SBK1: variants seen among roughly 807,000 people sequenced by gnomAD.
The protein encoded by SBK1 is SH3 domain binding kinase 1.
SBK1 carries 11 observed loss-of-function variants against 24.4 expected under a neutral mutation model. The observed-to-expected ratio is 0.45, with a 90% CI of 0.28 to 0.75. The LOEUF is 0.75. Ranked by LOEUF, SBK1 falls within the 30% of genes least tolerant of loss-of-function variation. The pLI, the probability that SBK1 is intolerant of heterozygous loss-of-function variation, is 0.12. For missense variants in SBK1, 467 were observed against 620.5 expected, an observed-to-expected ratio of 0.75 and a Z score of 2.63; for synonymous variants, 308 against 284.4, an observed-to-expected ratio of 1.08 and a Z score of -0.83.
chr16:28,280,358 T>G (rs1465265352), intron 1 of SBK1, among the ~76,000 whole-genome samples: 3 of 145,512 alleles, frequency 2.1e-5, no homozygotes, highest in African/African-American at 7.5e-5. Context: ...AAAATATATA[T>G]ATATATATTT....
intron 1 of SBK1, among the ~76,000 whole-genome samples, chr16:28,313,755 C>T (rs2141588534): frequency 2.0e-5 from 3 of 152,068 alleles, no homozygotes; most frequent in Admixed American, 2.0e-4. Context: ...AGATGGAGCT[C>T]CGTTTGGGGC....
rs1400616766 is a variant in SBK1 at position 28,323,570 on chromosome 16, A to G, written c.*2649A>G. 6.5e-6 allele frequency: 1 copy of G among 152,702 alleles called. No individual in the cohort carries two copies. Among genetic ancestry groups the G allele is most frequent in the African/African-American group, 2.4e-5 (1 of 41,442 alleles). 9.5% of individuals were successfully genotyped at this position (152,702 alleles called of 1,614,324 possible). On this transcript the variant is annotated 3_prime_UTR_variant, in exon 4 of 4. Transcript: ENST00000341901. ...AGGGTCTCCACCAGGCCCACTGAACAGAACCCCACGGCTGCCAGAATGTTC... is the reference window on the plus strand; with the variant it reads ...AGGGTCTCCACCAGGCCCACTGAACGGAACCCCACGGCTGCCAGAATGTTC...
intron 1 of SBK1, among the ~76,000 whole-genome samples, chr16:28,308,110 C>T (rs1455847999): frequency 6.6e-6 from 1 of 152,172 alleles, no homozygotes; most frequent in East Asian, 1.9e-4. Flanking sequence ...CTCCTCTGGC[C>T]ACATTCCAGG....
chr16:28,288,818 G>A (rs1215795028), upstream of SBK1, among the ~76,000 whole-genome samples: 1 of 152,158 alleles, frequency 6.6e-6, no homozygotes, highest in African/African-American at 2.4e-5. Context: ...GGAGTCCAAA[G>A]TTTCCCAGCC....
At chr16:28,315,802 G>T (rs1488120414) in intron 1 of SBK1, among the ~76,000 whole-genome samples, 1 of 151,964 alleles carries the variant, frequency 6.6e-6, no homozygotes, top group African/African-American at 2.4e-5. Context: ...GTCTTGTTCT[G>T]TCGCCCAGGC....
chr16:28,312,503 C>T (rs75787909), intron 1 of SBK1, among the ~76,000 whole-genome samples: 3,613 of 152,226 alleles, frequency 0.024, 157 homozygotes, highest in African/African-American at 0.083. Flanking sequence ...TGCGTGGAGA[C>T]ATGGTGGCAA....
chr16:28,272,619 CTTTTTTT>C (rs71140961), intron 1 of SBK1, among the ~76,000 whole-genome samples: 1 of 105,966 alleles, frequency 9.4e-6, no homozygotes, highest in African/African-American at 3.5e-5. Flanking sequence ...TTCTTTCTTT[CTTTTTTT>C]TTTTTTTTTT....
chr16:28,267,655 G>C (rs2044438076), intron 1 of SBK1, among the ~76,000 whole-genome samples: 1 of 152,174 alleles, frequency 6.6e-6, no homozygotes, highest in Non-Finnish European at 1.5e-5. Context: ...ATGAACACGT[G>C]GTAATAACTG....
chr16:28,314,682 G>A (rs1356832846), intron 1 of SBK1, among the ~76,000 whole-genome samples: 16 of 152,110 alleles, frequency 1.1e-4, no homozygotes, highest in East Asian at 1.9e-4. Flanking sequence ...ACATGTCTGG[G>A]ATTAGAGGGA....
Position 28,259,446 on chromosome 16 carries a change from C to T in SBK1, c.201C>T (p.Phe67=). The T allele has an allele frequency of 3.0e-6, 3 of 986,056 alleles. No homozygotes were observed. The highest frequency in any genetic ancestry group is 2.4e-6 in the Non-Finnish European group (2 of 830,422). 61.1% of individuals were successfully genotyped at this position (986,056 alleles called of 1,614,324 possible). A position where few individuals can be genotyped will look rare whatever the true frequency, so the allele number is the denominator to read the frequency against. Residue 67 remains phenylalanine (F), a synonymous_variant, in exon 1 of 4, where the codon TTC becomes TTT. Coordinates refer to the SBK1 transcript ENST00000671413. The surrounding 1 kb of genome is among the most constrained non-coding windows in gnomAD (Gnocchi z 6.0). ...TCGATGATGTGCCGGCCTTCTGCTT[C>T]GTCTGCTTCCACAGGGAGGAGGAAG... is the stretch of plus-strand genomic sequence containing the variant.
intron 1 of SBK1, among the ~76,000 whole-genome samples, chr16:28,271,076 GAT>G (rs1388441698): frequency 6.7e-6 from 1 of 150,342 alleles, no homozygotes; most frequent in East Asian, 2.0e-4. Context: ...TGTTAGCCAG[GAT>G]GGTCTCGATC....
At chr16:28,261,075 C>T (rs917541972) in intron 1 of SBK1, among the ~76,000 whole-genome samples, 3 of 151,972 alleles carry the variant, frequency 2.0e-5, no homozygotes, top group Non-Finnish European at 2.9e-5. Flanking sequence ...GACGCTGAGC[C>T]GGGGACCTGA....
At position 28,317,549 on chromosome 16, in the gene SBK1, A is replaced by T. The variant is rs781612565; in HGVS notation, c.158A>T (p.Tyr53Phe). Residue 53 changes from tyrosine (Y) to phenylalanine (F), a missense_variant, in exon 2 of 4, where the codon TAC (tyrosine) becomes TTC (phenylalanine). Physicochemically the swap from Tyr to Phe is conservative, Grantham distance 22. Coordinates refer to ENST00000341901, the MANE Select transcript of SBK1 (RefSeq NM_001024401.3). The surrounding 1 kb of genome is among the most constrained non-coding windows in gnomAD (Gnocchi z 4.2). Reference protein sequence around the residue: ...TLAASDVTKHYELVRELGKGT... With the variant: ...TLAASDVTKHFELVRELGKGT... The stretch of plus-strand genomic sequence containing the variant: ...GCCGCCAGCGACGTCACCAAGCACT[A>T]CGAACTAGTCCGGGAGCTGGGCAAA... The T allele has an allele frequency of 2.1e-5, 34 of 1,613,992 alleles. No individual in the cohort carries two copies. The highest frequency in any genetic ancestry group is 2.8e-5 in the Non-Finnish European group (33 of 1,180,010).
rs1187871979 is a variant in SBK1, at chr16:28,317,458, C to T, written c.67C>T (p.Pro23Ser). ...SLTCCGPGTA[P>S]GPGAGVPLLT... The stretch of plus-strand genomic sequence containing the variant: ...GACCTGCTGTGGGCCGGGGACTGCC[C>T]CTGGGCCTGGTGCCGGTGTGCCCCT... Residue 23 changes from proline to serine, a missense_variant, in exon 2 of 4, where the codon CCT becomes TCT. Pro to Ser is a moderately conservative substitution (Grantham distance 74, BLOSUM62 -1). Transcript: ENST00000341901. This position sits in a 1 kb window ranked among gnomAD's most constrained non-coding sequence, Gnocchi z 4.2. 6.2e-7 allele frequency: 1 copy of T among 1,614,098 alleles called. No homozygotes were observed. Among genetic ancestry groups the T allele is most frequent in the South Asian group, 1.1e-5 (1 of 91,080 alleles).
At chr16:28,282,928 TTTG>T (rs2044542587) in intron 1 of SBK1, among the ~76,000 whole-genome samples, 1 of 150,736 alleles carries the variant, frequency 6.6e-6, no homozygotes, top group Admixed American at 6.6e-5. Flanking sequence ...TATTTATTTA[TTTG>T]TTTGTTTGTT....
chr16:28,310,530 C>A (rs576208361), intron 1 of SBK1, among the ~76,000 whole-genome samples: 23 of 152,280 alleles, frequency 1.5e-4, no homozygotes, highest in Middle Eastern at 6.8e-3. Flanking sequence ...AGCTGTGTGA[C>A]CTTGGGCAAG....
chr16:28,318,552 C>T (rs2044814852), intron 2 of SBK1, among the ~76,000 whole-genome samples: 1 of 152,244 alleles, frequency 6.6e-6, no homozygotes, highest in South Asian at 2.1e-4. Context: ...GTGTGCTCCA[C>T]CCAGCTATGT....
chr16:28,302,967 G>GC (rs1175110908), intron 1 of SBK1, among the ~76,000 whole-genome samples: 1 of 151,836 alleles, frequency 6.6e-6, no homozygotes, highest in Non-Finnish European at 1.5e-5. Context: ...GGCATGGGGG[G>GC]GGGTCAGGAG....
At chr16:28,314,139 CGTT>C (rs926603139) in intron 1 of SBK1, among the ~76,000 whole-genome samples, 10 of 123,060 alleles carry the variant, frequency 8.1e-5, no homozygotes, top group African/African-American at 1.9e-4. Context: ...TTGTTGTTGT[CGTT>C]ATTATTGTTA....
Sources: allele counts gnomAD v4.1 joint callset (sites outside exome capture counted in the v4.1 genomes callset), GRCh38; gene constraint gnomAD v4.1.1; non-coding constraint Gnocchi (gnomAD v3.1); transcripts MANE v1.5; gene names NCBI Gene and HGNC (gene_info 2026-07-23, HGNC 2026-07-21).